PER1: variants seen among roughly 807,000 people sequenced by gnomAD.
PER1 encodes period circadian regulator 1, also known as period circadian protein homolog 1.
In PER1, 87 loss-of-function variants were observed where a neutral mutation model predicts 125.9. The ratio of observed to expected loss-of-function variants is 0.69; its 90% CI spans 0.58 to 0.83. The LOEUF (loss-of-function observed/expected upper bound fraction) is 0.83, where lower values mean the gene tolerates loss of function less well. PER1 is among the 40% of genes least tolerant of loss of function. The probability of loss-of-function intolerance (pLI) is 0.00; values close to 1 mark genes in which losing one functional copy is unlikely to be tolerated. For synonymous variants in PER1, 801 were observed against 714.7 expected (o/e 1.12, Z -1.93); for missense variants, 1,775 against 1,722.8 (o/e 1.03, Z -0.54).
Position 8,143,761 on chromosome 17 carries a change from G to A in PER1, c.2577C>T (p.Pro859=), listed in dbSNP as rs199730262. ...RAEAPCYVSH[P]SPVPPSTPWP... ...AGGGGGTGGAGGGTGGCACGGGTGAGGGGTGTGAGACATAGCAGGGCGCTT... is the reference window on the plus strand; with the variant it reads ...AGGGGGTGGAGGGTGGCACGGGTGAAGGGTGTGAGACATAGCAGGGCGCTT... The change falls in exon 19 of 23, where the codon CCC becomes CCT. Residue 859 remains proline (P), a synonymous_variant. Coordinates refer to ENST00000317276, the MANE Select transcript of PER1 (RefSeq NM_002616.3). The A allele has an allele frequency of 2.5e-6, 4 of 1,590,218 alleles. No individual in the cohort carries two copies. The highest frequency in any genetic ancestry group is 1.7e-5 in the Admixed American group (1 of 58,478).
chr17:8,152,165 G>A (rs1296490087), intron 1 of PER1, among the ~76,000 whole-genome samples, 172 bp downstream of exon 1: 3 of 152,324 alleles, frequency 2.0e-5, no homozygotes, highest in Admixed American at 2.0e-4. Flanking sequence ...GCAGACTCCC[G>A]GTGCAAGATT....
Position 8,152,380 on chromosome 17 carries a change from C to G in PER1, c.-183G>C, listed in dbSNP as rs1012359533. 6.6e-6 allele frequency: 1 copy of G among 152,566 alleles called. No homozygotes were observed. The highest frequency in any genetic ancestry group is 2.4e-5 in the African/African-American group (1 of 41,486). The allele number at this position is 152,566 out of a possible 1,614,324, so 9.5% of individuals were successfully genotyped here. On this transcript the variant is annotated 5_prime_UTR_variant, in exon 1 of 23. Transcript: ENST00000317276. Reference sequence around the variant, plus strand: ...TCCGCACGCCTGCCCGCCGCCGCTCCAGCCCGCAGCCGAGTGGAAGCTCCA... The same window carrying G: ...TCCGCACGCCTGCCCGCCGCCGCTCGAGCCCGCAGCCGAGTGGAAGCTCCA...
rs140717140 is a variant in PER1, at chr17:8,146,924, G to A, written c.1708C>T (p.Arg570Trp). Residue 570 changes from arginine (R) to tryptophan (W), a missense_variant, in exon 14 of 23, where the codon CGG becomes TGG. Coordinates refer to ENST00000317276, the MANE Select transcript of PER1 (RefSeq NM_002616.3). The stretch of plus-strand genomic sequence containing the variant: ...GGGAGGCGGGGCCGGGACTGAGGCC[G>A]GGCCCGAGACTCAATAAAAAGCTGC... ...GQQLFIESRA[R>W]PQSRPRLPAT... is the part of the protein sequence containing the mutation. 169 of 1,613,946 alleles carry A rather than the reference G, an allele frequency of 1.0e-4. No individual in the cohort carries two copies. The highest frequency in any genetic ancestry group is 5.6e-4 in the East Asian group (25 of 44,876).
Position 8,142,282 on chromosome 17 carries a change from G to C in PER1, c.3436C>G (p.Gln1146Glu). The stretch of plus-strand genomic sequence containing the variant: ...GAAATGCCTCACCTGGAGGGCACCT[G>C]GTAGGTCATCATGACGCGCTGGTCA... ...NADQRVMMTY[Q>E]VPSRDMTSVL... Residue 1146 changes from glutamine to glutamate, a missense_variant, in exon 21 of 23, where the codon CAG becomes GAG. Gln to Glu is a conservative substitution (Grantham distance 29). Coordinates refer to ENST00000317276, the MANE Select transcript of PER1 (RefSeq NM_002616.3). 1 of 1,600,266 alleles carries C rather than the reference G, an allele frequency of 6.2e-7. No individual in the cohort carries two copies. Among genetic ancestry groups the C allele is most frequent in the Non-Finnish European group, 8.5e-7 (1 of 1,173,382 alleles).
intron 21 of PER1, 23 bp downstream of exon 21, chr17:8,142,246 A>T: frequency 6.4e-7 from 1 of 1,553,684 alleles, no homozygotes; most frequent in African/African-American, 1.4e-5. Context: ...AGGAAGGCCA[A>T]GAAGGCCTCT....
rs142304838 is a variant in PER1 at position 8,147,313 on chromosome 17, G to A, written c.1566C>T (p.His522=). 870 of 1,613,614 alleles carry A rather than the reference G, an allele frequency of 5.4e-4. 1 individual carries two copies. Among genetic ancestry groups the A allele is most frequent in the Non-Finnish European group, 6.9e-4 (819 of 1,179,868 alleles). Reference sequence around the variant, plus strand: ...TGCTATCACTGGAGGACCCAGGGCTGTGGAGAGGGCCTGGGGATGTCACGG... The same window carrying A: ...TGCTATCACTGGAGGACCCAGGGCTATGGAGAGGGCCTGGGGATGTCACGG... ...VGAVTSPGPL[H]SPGSSSDSNG... Residue 522 remains histidine (H), a synonymous_variant, in exon 13 of 23, where the codon CAC becomes CAT. Coordinates refer to ENST00000317276, the MANE Select transcript of PER1 (RefSeq NM_002616.3).
chr17:8,144,760 C>A lies in PER1; in HGVS notation c.2452G>T (p.Gly818Cys). ...GGCCCCAGGTGGCTACCTCGCTCGC[C>A]AAGGGCTGAGGGAGCTGTGGAAGAG... ...DSSSTAPSAL[G>C]ERGCHHGPAP... Residue 818 changes from glycine (G) to cysteine (C), a missense_variant, in exon 18 of 23, where the codon GGC (glycine) becomes TGC (cysteine). Gly to Cys is a radical substitution (Grantham distance 159). Transcript: ENST00000317276. 6.4e-7 allele frequency: 1 copy of A among 1,572,538 alleles called. No homozygotes were observed. The highest frequency in any genetic ancestry group is 2.3e-5 in the East Asian group (1 of 42,642).
Position 8,147,545 on chromosome 17 carries a change from C to G in PER1, c.1422G>C (p.Pro474=). Residue 474 remains proline, a synonymous_variant, in exon 12 of 23, where the codon CCG becomes CCC. Transcript: ENST00000317276. ...CCAGGGAGGGAGCTGGGCTGGGGGCCGGGGGAGTGAACACGTCCTCATTCA... is the reference window on the plus strand; with the variant it reads ...CCAGGGAGGGAGCTGGGCTGGGGGCGGGGGGAGTGAACACGTCCTCATTCA... ...APLNEDVFTP[P]APSPAPSLDT... The G allele has an allele frequency of 1.2e-6, 2 of 1,613,670 alleles. No individual in the cohort carries two copies. Among genetic ancestry groups the G allele is most frequent in the East Asian group, 4.5e-5 (2 of 44,888 alleles).
rs1286072719 is a variant in PER1, at chr17:8,150,692, T to C, written c.15A>G (p.Leu5=). MSGP[L]EGADGGGDPR... ...GGTCCCCTCCCCCATCAGCCCCTTC[T>C]AGGGGGCCACTCATGTCTGGGCCAT... Residue 5 remains leucine (L), a synonymous_variant, in exon 2 of 23, where the codon CTA becomes CTG. Coordinates refer to ENST00000317276, the MANE Select transcript of PER1 (RefSeq NM_002616.3). 2 of 1,564,760 alleles carry C rather than the reference T, an allele frequency of 1.3e-6. No homozygotes were observed. The highest frequency in any genetic ancestry group is 1.7e-6 in the Non-Finnish European group (2 of 1,160,350).
At chr17:8,149,923 C>T (rs146418972) in intron 4 of PER1, 47 bp from the exon 5 acceptor site, 87 of 1,613,990 alleles carry the variant, frequency 5.4e-5, no homozygotes, top group African/African-American at 3.9e-4. Context: ...GCTGCCTCAA[C>T]ACGGGAGCCC....
At position 8,144,834 on chromosome 17, in the gene PER1, G is replaced by A; in HGVS notation, c.2378C>T (p.Ala793Val). ...LSLHTQKEEQ[A>V]FLSRFRDLGR... is the part of the protein sequence containing the mutation. ...CAGGTCTCGGAAGCGGCTGAGGAAG[G>A]CTTGCTCTTCCTTCTGTGTGTGCAG... The change falls in exon 18 of 23, where the codon GCC becomes GTC. Residue 793 changes from alanine to valine, a missense_variant. By Grantham distance (64) the Ala-to-Val change is moderately conservative. Coordinates refer to ENST00000317276, the MANE Select transcript of PER1 (RefSeq NM_002616.3). The A allele has an allele frequency of 1.3e-6, 2 of 1,586,686 alleles. No individual in the cohort carries two copies. The highest frequency in any genetic ancestry group is 1.1e-5 in the South Asian group (1 of 87,208).
rs758488262 is a variant in PER1, at chr17:8,149,566, C to T, written c.749G>A (p.Arg250Gln). 2.0e-5 allele frequency: 33 copies of T among 1,613,826 alleles called. No individual in the cohort carries two copies. Among genetic ancestry groups the T allele is most frequent in the Middle Eastern group, 3.3e-4 (2 of 6,084 alleles). ...VLLRCKRDVF[R>Q]GTRFSELLAP... ...CAGGAGCTCAGAGAAGCGGGTACCC[C>T]GGAACACGTCCCGCTTGCAACGCAG... The change falls in exon 6 of 23, where the codon CGG becomes CAG. Residue 250 changes from arginine to glutamine, a missense_variant. Coordinates refer to ENST00000317276, the MANE Select transcript of PER1 (RefSeq NM_002616.3).
At position 8,146,705 on chromosome 17, in the gene PER1, G is replaced by A. The variant is rs150885062; in HGVS notation, c.1796C>T (p.Ala599Val). 6.8e-6 allele frequency: 11 copies of A among 1,613,628 alleles called. No individual in the cohort carries two copies. The highest frequency in any genetic ancestry group is 1.3e-5 in the African/African-American group (1 of 74,926). Residue 599 changes from alanine (A) to valine (V), a missense_variant, in exon 15 of 23, where the codon GCG (alanine) becomes GTG (valine). By Grantham distance (64) the Ala-to-Val change is moderately conservative. Coordinates refer to ENST00000317276, the MANE Select transcript of PER1 (RefSeq NM_002616.3). ...PCQSPDPELE[A>V]GSAPVQAPLA... ...TGGGGCCTGGACGGGAGCAGAACCC[G>A]CCTCCAGCTCTGGGTCTGGGGATTG...
At position 8,148,700 on chromosome 17, in the gene PER1, GC is replaced by G; in HGVS notation, c.991del (p.Ala331ProfsTer9). 6.2e-7 allele frequency: 1 copy of G among 1,613,828 alleles called. No homozygotes were observed. Among genetic ancestry groups the G allele is most frequent in the Non-Finnish European group, 8.5e-7 (1 of 1,179,880 alleles). On this transcript the variant is annotated frameshift_variant, in exon 8 of 23. Transcript: ENST00000317276. LOFTEE classifies it high-confidence loss of function. Reference sequence around the variant, plus strand: ...CAGCAGGCAGCACGGCTGTGCAGGGGCCCCATCTGAGACCCGGATCTTGGTC... The same window carrying G: ...CAGCAGGCAGCACGGCTGTGCAGGGGCCCATCTGAGACCCGGATCTTGGTC... ...YVTKIRVSDG[A>X]PAQPCCLLIA...
Position 8,143,879 on chromosome 17 carries a change from G to T in PER1, c.2462-3C>A. The T allele has an allele frequency of 6.2e-7, 1 of 1,605,278 alleles. No individual in the cohort carries two copies. The highest frequency in any genetic ancestry group is 1.3e-5 in the African/African-American group (1 of 74,902). ...GGGTGCGGGGCCGTGGTGGCAGCCT[G>T]TGGGGAGAGACTAGGGTTAGCAAGG... On this transcript the variant is annotated splice_polypyrimidine_tract_variant and splice_region_variant and intron_variant, in intron 18 of 22. Transcript: ENST00000317276.
chr17:8,146,316 C>A, intron 16 of PER1, 56 bp downstream of exon 16: 1 of 1,552,146 alleles, frequency 6.4e-7, no homozygotes, highest in Non-Finnish European at 8.7e-7. Flanking sequence ...AGGGAAAAGA[C>A]ACAGGGCCAC....
In PER1 at chr17:8,142,848, A is replaced by T. The variant is rs1568023823; in HGVS notation, c.3073-13T>A. On this transcript the variant is annotated splice_polypyrimidine_tract_variant and intron_variant, in intron 19 of 22. Coordinates refer to ENST00000317276, the MANE Select transcript of PER1 (RefSeq NM_002616.3). ...CAGTGACCTCCGCCTGGAGGAGGGG[A>T]GGGGGGCAAGGAGGGATGGAGGGGT... 2 of 1,574,760 alleles carry T rather than the reference A, an allele frequency of 1.3e-6. No homozygotes were observed. The highest frequency in any genetic ancestry group is 3.6e-5 in the Admixed American group (2 of 54,796).
In PER1 at chr17:8,150,042, C is replaced by A; in HGVS notation, c.458G>T (p.Arg153Leu). The change falls in exon 4 of 23, where the codon CGC becomes CTC. Residue 153 changes from arginine (R) to leucine (L), a missense_variant. Physicochemically the swap from Arg to Leu is moderately radical, Grantham distance 102. Coordinates refer to ENST00000317276, the MANE Select transcript of PER1 (RefSeq NM_002616.3). The part of the protein sequence containing the change: ...RELKLRLPPE[R>L]RGKGRSGTLA... ...GGTCCCAGAGCGGCCCTTGCCCCGGCGCTCTGGCGGCAGTCGAAGCTTGAG... is the reference window on the plus strand; with the variant it reads ...GGTCCCAGAGCGGCCCTTGCCCCGGAGCTCTGGCGGCAGTCGAAGCTTGAG... 1 of 1,614,170 alleles carries A rather than the reference C, an allele frequency of 6.2e-7. No homozygotes were observed.
Position 8,147,460 on chromosome 17 carries a change from C to A in PER1, c.1497+10G>T. On this transcript the variant is annotated intron_variant, in intron 12 of 22. Transcript: ENST00000317276. ...TCTCACCTCCCAGGCTCCCTCTCCG[C>A]TACTCTCACCTGCAGCAGCAGCCGG... The A allele has an allele frequency of 1.9e-6, 3 of 1,613,424 alleles. No individual in the cohort carries two copies. The South Asian group carries it at 3.3e-5, about 18-fold the overall frequency.
Sources: gnomAD v4.1 joint callset for allele counts (sites outside exome capture counted in the v4.1 genomes callset) on GRCh38, gnomAD v4.1.1 for gene constraint, MANE v1.5 for transcripts, NCBI Gene and HGNC (gene_info 2026-07-23, HGNC 2026-07-21) for gene names.